COL27A1: variants seen among roughly 807,000 people sequenced by gnomAD.
COL27A1 encodes collagen alpha-1(XXVII) chain.
In COL27A1, 106 loss-of-function variants were observed where a neutral mutation model predicts 251.3. The observed-to-expected ratio is 0.42, with a 90% confidence interval of 0.36 to 0.50. The LOEUF (loss-of-function observed/expected upper bound fraction) is 0.50, where lower values mean the gene tolerates loss of function less well. Ranked by LOEUF, COL27A1 falls within the 20% of genes least tolerant of loss-of-function variation. The probability of loss-of-function intolerance (pLI) is 0.00; values close to 1 mark genes in which losing one functional copy is unlikely to be tolerated. For missense variants in COL27A1, 2,325 were observed against 2,522.8 expected (o/e 0.92, Z 1.68); for synonymous variants, 1,000 against 986.3 (o/e 1.01, Z -0.26).
At chr9:114,156,939 C>T (rs1208790879) in intron 1 of COL27A1, among the ~76,000 whole-genome samples, 2 of 152,174 alleles carry the variant, frequency 1.3e-5, no homozygotes, top group Non-Finnish European at 2.9e-5. Flanking sequence ...GGACACTCCC[C>T]AGAGGCTGTT....
intron 10 of COL27A1, chr9:114,209,423 G>A (rs772677618): frequency 2.3e-5 from 17 of 752,102 alleles, no homozygotes; most frequent in Admixed American, 5.2e-5. Flanking sequence ...GCCGGCGAGC[G>A]CCTGCGCCCT....
At chr9:114,285,934 C>T (rs1827450137) in intron 41 of COL27A1, among the ~76,000 whole-genome samples, 1 of 152,194 alleles carries the variant, frequency 6.6e-6, no homozygotes, top group African/African-American at 2.4e-5. Context: ...GTGGGGGTCC[C>T]CAGGATTCCC....
chr9:114,255,121 T>A (rs1475884928), intron 27 of COL27A1, among the ~76,000 whole-genome samples: 1 of 152,164 alleles, frequency 6.6e-6, no homozygotes, highest in Non-Finnish European at 1.5e-5. Context: ...CCCAGTGACA[T>A]ATTTTTGCCC....
At chr9:114,276,343 C>T (rs932290492) in intron 37 of COL27A1, among the ~76,000 whole-genome samples, 1 of 152,208 alleles carries the variant, frequency 6.6e-6, no homozygotes, top group African/African-American at 2.4e-5. Context: ...CGGTGGCTCA[C>T]GCCTGTAATC....
intron 41 of COL27A1, among the ~76,000 whole-genome samples, chr9:114,285,222 G>A (rs4381012): frequency 0.1 from 15,656 of 152,194 alleles, 1,096 homozygotes; most frequent in Non-Finnish European, 0.15. Flanking sequence ...GTGGTTAGTG[G>A]TCAAGGAAGG....
chr9:114,194,266 C>T lies in COL27A1; in HGVS notation c.2017-138C>T, dbSNP rs1166146612. 15 of 804,350 alleles carry T rather than the reference C, an allele frequency of 1.9e-5. No homozygotes were observed. The South Asian group carries it at 2.0e-4, about 11-fold the overall frequency. 49.8% of individuals were successfully genotyped at this position (804,350 alleles called of 1,614,324 possible). A position where few individuals can be genotyped will look rare whatever the true frequency, so the allele number is the denominator to read the frequency against. ...AGGGGAGTAGTAGAATTGGAGAAGA[C>T]CCTCTGGAGGTGTGTGAGTGGGAGG... On this transcript the variant is annotated intron_variant, in intron 5 of 60. Transcript: ENST00000356083.
chr9:114,220,718 G>A (rs900243269), intron 13 of COL27A1, among the ~76,000 whole-genome samples: 1 of 152,178 alleles, frequency 6.6e-6, no homozygotes, highest in African/African-American at 2.4e-5. Context: ...CTGAGGCCGG[G>A]CGCAGTGGCT....
At chr9:114,299,500 C>T (rs1161195671) in intron 49 of COL27A1, among the ~76,000 whole-genome samples, 1 of 152,180 alleles carries the variant, frequency 6.6e-6, no homozygotes, top group Non-Finnish European at 1.5e-5. Context: ...TTCCTGGAAT[C>T]GTTCACACTG....
At chr9:114,260,139 C>T (rs1398250235) in intron 28 of COL27A1, among the ~76,000 whole-genome samples, 1 of 152,210 alleles carries the variant, frequency 6.6e-6, no homozygotes, top group Non-Finnish European at 1.5e-5. Flanking sequence ...CTGCCTCAGG[C>T]GCGGGGCTCA....
At chr9:114,189,711 T>C (rs893816294) in intron 5 of COL27A1, among the ~76,000 whole-genome samples, 2 of 152,228 alleles carry the variant, frequency 1.3e-5, no homozygotes, top group African/African-American at 4.8e-5. Context: ...CATTTCTTAT[T>C]AGGTTTATAC....
At chr9:114,302,796 G>T (rs959125734) in intron 56 of COL27A1, among the ~76,000 whole-genome samples, 5 of 150,706 alleles carry the variant, frequency 3.3e-5, no homozygotes, top group African/African-American at 7.3e-5. Context: ...TTCCCTATTG[G>T]CCACTGTGGC....
intron 14 of COL27A1, among the ~76,000 whole-genome samples, chr9:114,227,267 C>T (rs573587437): frequency 9.9e-5 from 15 of 151,612 alleles, no homozygotes; most frequent in Non-Finnish European, 2.2e-4. Flanking sequence ...GACCTGATGC[C>T]CTGTCTCATG....
intron 22 of COL27A1, among the ~76,000 whole-genome samples, chr9:114,243,275 A>G (rs1165127571): frequency 6.6e-6 from 1 of 152,154 alleles, no homozygotes; most frequent in African/African-American, 2.4e-5. Flanking sequence ...ATTTACAACA[A>G]GAAGACCAAC....
chr9:114,307,547 C>T, intron 58 of COL27A1, 122 bp from the exon 59 acceptor site: 1 of 720,400 alleles, frequency 1.4e-6, no homozygotes, highest in East Asian at 2.5e-5. Flanking sequence ...TCTGCTCACC[C>T]ACCCTGACTT....
intron 3 of COL27A1, among the ~76,000 whole-genome samples, chr9:114,177,263 G>A (rs1224381742): frequency 1.3e-5 from 2 of 152,222 alleles, no homozygotes; most frequent in East Asian, 1.9e-4. Context: ...AGTCTGCTCG[G>A]CTGCCTCCCT....
chr9:114,252,870 T>C lies in COL27A1; in HGVS notation c.3088-9T>C. The stretch of plus-strand genomic sequence containing the variant: ...GCTGATTCCTCCTTTGTCTTCTCTG[T>C]CTTGGCAGGGTCATCCTGGAATGCC... On this transcript the variant is annotated splice_polypyrimidine_tract_variant and intron_variant, in intron 26 of 60. Coordinates refer to ENST00000356083, the MANE Select transcript of COL27A1 (RefSeq NM_032888.4). 6.2e-7 allele frequency: 1 copy of C among 1,613,894 alleles called. No homozygotes were observed. Among genetic ancestry groups the C allele is most frequent in the South Asian group, 1.1e-5 (1 of 91,086 alleles).
intron 6 of COL27A1, among the ~76,000 whole-genome samples, chr9:114,195,397 G>A (rs1829047987): frequency 6.6e-6 from 1 of 152,110 alleles, no homozygotes; most frequent in African/African-American, 2.4e-5. Flanking sequence ...CAGGACAGAC[G>A]GGCCCAGCTT....
chr9:114,288,673 C>T (rs1827686151), intron 42 of COL27A1, 29 bp from the exon 43 acceptor site: 1 of 1,600,508 alleles, frequency 6.2e-7, no homozygotes, highest in Admixed American at 1.7e-5. Flanking sequence ...CCTGGTGGCC[C>T]AAATTTTGCT....
intron 9 of COL27A1, among the ~76,000 whole-genome samples, 176 bp downstream of exon 9, chr9:114,205,988 A>G (rs540160884): frequency 3.1e-4 from 47 of 152,288 alleles, no homozygotes; most frequent in Admixed American, 2.0e-3. Context: ...TTGCAGGCAC[A>G]GGATAAGGCT....
Sources: allele counts gnomAD v4.1 joint callset (sites outside exome capture counted in the v4.1 genomes callset), GRCh38; gene constraint gnomAD v4.1.1; transcripts MANE v1.5; gene names NCBI Gene and HGNC (gene_info 2026-07-23, HGNC 2026-07-21).